The following ABCB5 variants were observed in gnomAD, a reference collection of about 807,000 sequenced individuals.
ABCB5 encodes ATP-binding cassette sub-family B member 5.
ABCB5 carries 155 observed loss-of-function variants against 144.2 expected under a neutral mutation model. The ratio of observed to expected loss-of-function variants is 1.08; its 90% CI spans 0.94 to 1.23. ABCB5 has a LOEUF of 1.23. ABCB5 is among the 50% of genes most tolerant of loss of function. The pLI is 0.00. For synonymous variants in ABCB5, 610 were observed against 528.6 expected, an observed-to-expected ratio of 1.15 and a Z score of -2.11; for missense variants, 1,830 against 1,520.8, an observed-to-expected ratio of 1.20 and a Z score of -3.38.
At position 20,623,316 on chromosome 7, in the gene ABCB5, C is replaced by A. The variant is rs1193755495; in HGVS notation, c.31C>A (p.Gln11Lys). 2 of 1,548,970 alleles carry A rather than the reference C, an allele frequency of 1.3e-6. No individual in the cohort carries two copies. The highest frequency in any genetic ancestry group is 2.0e-5 in the Admixed American group (1 of 51,082). Residue 11 changes from glutamine (Q) to lysine (K), a missense_variant, in exon 2 of 28, where the codon CAA (glutamine) becomes AAA (lysine). By Grantham distance (53) the Gln-to-Lys change is moderately conservative. Coordinates refer to ENST00000404938, the MANE Select transcript of ABCB5 (RefSeq NM_001163941.2). ...AAATTCAGAAAGAGCTGAAGAAATG[C>A]AAGAAAATTATCAGAGAAATGGGTA... MENSERAEEM[Q>K]ENYQRNGTAE...
rs541432128 is a variant in ABCB5 at position 20,679,679 on chromosome 7, C to A, written c.1708-1826C>A. 2.3e-3 allele frequency among the ~76,000 whole-genome samples: 345 copies of A among 152,178 alleles called. 3 individuals carry two copies. Among genetic ancestry groups the A allele is most frequent in the African/African-American group, 8.0e-3 (331 of 41,516 alleles). ...AGAGAATATCCAAATTGTCACTAATCATTTGAAAAGTTGTTCAACTTTATT... is the reference window on the plus strand; with the variant it reads ...AGAGAATATCCAAATTGTCACTAATAATTTGAAAAGTTGTTCAACTTTATT... On this transcript the variant is annotated intron_variant, in intron 14 of 27. Transcript: ENST00000404938.
chr7:20,623,392 A>T (rs1341437418), intron 2 of ABCB5, 54 bp downstream of exon 2: 1 of 1,379,474 alleles, frequency 7.2e-7, no homozygotes, highest in Non-Finnish European at 1.0e-6. Context: ...AATATAACTC[A>T]TCCTTTCCAC....
chr7:20,728,232 C>A, intron 22 of ABCB5, 83 bp from the exon 23 acceptor site: 1 of 1,414,098 alleles, frequency 7.1e-7, no homozygotes, highest in Non-Finnish European at 9.4e-7. Flanking sequence ...TTTCAAAGTC[C>A]TCTCTATTTA....
At chr7:20,681,772 G>A in intron 15 of ABCB5, 106 bp downstream of exon 15, 1 of 1,326,786 alleles carries the variant, frequency 7.5e-7, no homozygotes, top group South Asian at 1.5e-5. Context: ...ATTTCAAAAA[G>A]CAACCAAGGT....
At chr7:20,615,924 GT>G (rs2128014527) in intron 1 of ABCB5, 87 bp downstream of exon 1, 1 of 152,402 alleles carries the variant, frequency 6.6e-6, no homozygotes, top group African/African-American at 2.4e-5. Flanking sequence ...AGAAAGAATA[GT>G]TTGTGGTAAA....
intron 20 of ABCB5, among the ~76,000 whole-genome samples, chr7:20,716,448 T>G (rs1328916510): frequency 1.3e-5 from 2 of 152,178 alleles, no homozygotes; most frequent in African/African-American, 4.8e-5. Context: ...TATGTAGCTA[T>G]AGGAGCATTT....
chr7:20,642,390 T>C (rs986010002), intron 5 of ABCB5, among the ~76,000 whole-genome samples: 25 of 152,344 alleles, frequency 1.6e-4, no homozygotes, highest in South Asian at 4.1e-4. Context: ...ACGTTTTGGA[T>C]CCCAGCTATA....
intron 16 of ABCB5, among the ~76,000 whole-genome samples, chr7:20,691,670 T>C (rs1166595320): frequency 6.6e-6 from 1 of 151,884 alleles, no homozygotes; most frequent in African/African-American, 2.4e-5. Context: ...AGACACTGGG[T>C]AAAGTGTTAA....
At chr7:20,721,846 C>A (rs964643008) in intron 20 of ABCB5, among the ~76,000 whole-genome samples, 1 of 152,112 alleles carries the variant, frequency 6.6e-6, no homozygotes, top group African/African-American at 2.4e-5. Flanking sequence ...AATACCTAAG[C>A]TAAAGTATAG....
At chr7:20,733,062 G>C (rs1254152869) in intron 23 of ABCB5, among the ~76,000 whole-genome samples, 2 of 152,256 alleles carry the variant, frequency 1.3e-5, no homozygotes, top group East Asian at 3.9e-4. Flanking sequence ...TTTTACAGAT[G>C]AGAACAATTA....
intron 14 of ABCB5, among the ~76,000 whole-genome samples, chr7:20,660,839 C>T (rs185069119): frequency 6.6e-6 from 1 of 152,304 alleles, no homozygotes; most frequent in African/African-American, 2.4e-5. Flanking sequence ...CTTCACTCCA[C>T]AACCTGCCCT....
chr7:20,720,119 T>A (rs1330517923), intron 20 of ABCB5, among the ~76,000 whole-genome samples: 1 of 152,198 alleles, frequency 6.6e-6, no homozygotes, highest in Admixed American at 6.5e-5. Context: ...CAGTACAAGA[T>A]GAAACTGGAA....
chr7:20,618,611 A>G (rs1783737645), intron 1 of ABCB5, among the ~76,000 whole-genome samples: 1 of 151,910 alleles, frequency 6.6e-6, no homozygotes, highest in African/African-American at 2.4e-5. Context: ...TCTCATCTTT[A>G]TGTCCATGTG....
chr7:20,650,001 T>G (rs2128025486), intron 11 of ABCB5, 21 bp from the exon 12 acceptor site: 5 of 1,599,438 alleles, frequency 3.1e-6, no homozygotes, highest in Non-Finnish European at 4.3e-6. Flanking sequence ...TTTATGATTT[T>G]CCCTCCATAC....
chr7:20,748,764 A>C (rs1362040393), intron 26 of ABCB5, among the ~76,000 whole-genome samples: 1 of 152,104 alleles, frequency 6.6e-6, no homozygotes, highest in African/African-American at 2.4e-5. Context: ...AAAATGGTGA[A>C]GCAAAAGTCT....
intron 16 of ABCB5, among the ~76,000 whole-genome samples, chr7:20,697,597 G>A (rs1048970239): frequency 2.6e-5 from 4 of 152,124 alleles, no homozygotes; most frequent in Non-Finnish European, 5.9e-5. Flanking sequence ...CACCTTCCAC[G>A]TCTCCTAGGA....
Position 20,681,658 on chromosome 7 carries a change from A to T in ABCB5, c.1861A>T (p.Met621Leu). The T allele has an allele frequency of 6.2e-7, 1 of 1,613,992 alleles. No individual in the cohort carries two copies. Among genetic ancestry groups the T allele is most frequent in the Non-Finnish European group, 8.5e-7 (1 of 1,179,948 alleles). ...ACGAGGTCTATATTATTCACTTGTG[A>T]TGTCACAGGTAATGCTTATGTGACA... ...AKRGLYYSLV[M>L]SQDIKKADEQ... is the part of the protein sequence containing the mutation. The change falls in exon 15 of 28, where the codon ATG (methionine) becomes TTG (leucine). Residue 621 changes from methionine (M) to leucine (L), a missense_variant. Transcript: ENST00000404938.
intron 7 of ABCB5, among the ~76,000 whole-genome samples, chr7:20,644,874 G>A (rs891001589): frequency 4.6e-5 from 7 of 152,196 alleles, no homozygotes; most frequent in East Asian, 3.8e-4. Context: ...GTGTGACTCC[G>A]AGTGTTGACT....
intron 20 of ABCB5, among the ~76,000 whole-genome samples, chr7:20,712,936 T>A (rs1781536013): frequency 6.7e-6 from 1 of 149,720 alleles, no homozygotes; most frequent in Admixed American, 6.6e-5. Flanking sequence ...TCTTGGTAAT[T>A]TTCAAGTTTA....
Sources: allele counts gnomAD v4.1 joint callset (sites outside exome capture counted in the v4.1 genomes callset), GRCh38; gene constraint gnomAD v4.1.1; transcripts MANE v1.5; gene names NCBI Gene and HGNC (gene_info 2026-07-23, HGNC 2026-07-21).